CCDC110: variants seen among roughly 807,000 people sequenced by gnomAD.
CCDC110 encodes coiled-coil domain-containing protein 110.
CCDC110 carries 70 observed loss-of-function variants against 77.1 expected under a neutral mutation model. The ratio of observed to expected loss-of-function variants is 0.91; its 90% CI spans 0.75 to 1.11. The LOEUF is 1.11. Among genes scored for constraint, CCDC110 ranks in the 50% least tolerant of loss-of-function variants. CCDC110 has a pLI of 0.00. For missense variants in CCDC110, 868 were observed against 942.9 expected (o/e 0.92, Z 1.04); for synonymous variants, 295 against 312.5 (o/e 0.94, Z 0.59).
At chr4:185,449,496 C>T in intron 6 of CCDC110, 1 of 721,044 alleles carries the variant, frequency 1.4e-6, no homozygotes, top group South Asian at 2.0e-5. Flanking sequence ...GCACTCCAGC[C>T]TGGGCAACAG....
chr4:185,468,387 A>C lies in CCDC110; in HGVS notation c.115+2558T>G, dbSNP rs556839595. Reference sequence around the variant, plus strand: ...AGAGGCAATATGATGATAATTTGGTAAATTCAAAATTTCTAGTCAAGACGG... The same window carrying C: ...AGAGGCAATATGATGATAATTTGGTCAATTCAAAATTTCTAGTCAAGACGG... On this transcript the variant is annotated intron_variant, in intron 2 of 6. Coordinates refer to ENST00000307588, the MANE Select transcript of CCDC110 (RefSeq NM_152775.4). This position sits in a 1 kb window ranked among gnomAD's most constrained non-coding sequence, Gnocchi z 4.5. Among the ~76,000 whole-genome samples, 1 of 152,214 alleles carries C rather than the reference A, an allele frequency of 6.6e-6. No individual in the cohort carries two copies. Among genetic ancestry groups the C allele is most frequent in the Admixed American group, 6.5e-5 (1 of 15,284 alleles).
At chr4:185,467,900 C>CT (rs2095659122) in intron 2 of CCDC110, among the ~76,000 whole-genome samples, 1 of 152,210 alleles carries the variant, frequency 6.6e-6, no homozygotes, top group Admixed American at 6.5e-5. Context: ...TCCTGAGTAG[C>CT]TGGGACTACA....
intron 6 of CCDC110, among the ~76,000 whole-genome samples, chr4:185,450,651 A>G (rs2095627505): frequency 1.3e-5 from 2 of 151,802 alleles, no homozygotes; most frequent in Non-Finnish European, 2.9e-5. Flanking sequence ...GGCTGAGGAA[A>G]GAGAATCGCT....
chr4:185,452,467 A>G, intron 6 of CCDC110: 1 of 734,998 alleles, frequency 1.4e-6, no homozygotes, highest in South Asian at 6.1e-5. Flanking sequence ...TAAGAACTGG[A>G]GAGAAAGTTA....
At chr4:185,452,359 G>T in intron 6 of CCDC110, 3 of 985,386 alleles carry the variant, frequency 3.0e-6, no homozygotes, top group Non-Finnish European at 3.6e-6. Flanking sequence ...GCTTACATCT[G>T]TTCAAGGCTC....
intron 2 of CCDC110, among the ~76,000 whole-genome samples, chr4:185,463,352 C>CA (rs930779969): frequency 4.6e-5 from 7 of 151,910 alleles, no homozygotes; most frequent in East Asian, 1.9e-4. Context: ...AAACTGCATT[C>CA]AAAAAAAACC....
chr4:185,470,381 AATGTAAATGCT>A (rs2153325855), intron 2 of CCDC110, among the ~76,000 whole-genome samples: 1 of 152,308 alleles, frequency 6.6e-6, no homozygotes, highest in African/African-American at 2.4e-5. Flanking sequence ...TACCTTATAC[AATGTAAATGCT>A]ATGTAAATGG....
At chr4:185,453,085 A>T (rs2095631394) in intron 6 of CCDC110, among the ~76,000 whole-genome samples, 2 of 152,280 alleles carry the variant, frequency 1.3e-5, no homozygotes, top group South Asian at 4.1e-4. Flanking sequence ...CGGTCTATTA[A>T]GGCTGGGTAC....
chr4:185,459,245 G>C lies in CCDC110; in HGVS notation c.1342C>G (p.Leu448Val), dbSNP rs1323617419. Residue 448 changes from leucine (L) to valine (V), a missense_variant, in exon 6 of 7, where the codon CTG becomes GTG. Coordinates refer to ENST00000307588, the MANE Select transcript of CCDC110 (RefSeq NM_152775.4). ...TTAAGGTTTAGATTTTCACTCTCCA[G>C]TTCCATTACTTTTTTCTGTATCTGC... ...SVQIQKKVMELESENLNLKSK... is the reference protein window; with the variant it reads ...SVQIQKKVMEVESENLNLKSK... 1 of 1,611,502 alleles carries C rather than the reference G, an allele frequency of 6.2e-7. No homozygotes were observed. Among genetic ancestry groups the C allele is most frequent in the East Asian group, 2.2e-5 (1 of 44,782 alleles).
At chr4:185,449,866 G>C (rs778259265) in intron 6 of CCDC110, 80 of 387,208 alleles carry the variant, frequency 2.1e-4, no homozygotes, top group Non-Finnish European at 3.2e-4. Flanking sequence ...CTATGCTTCT[G>C]AGCAGAATAT....
rs371024808 is a variant in CCDC110, at chr4:185,470,983, G to T, written c.77C>A (p.Ser26Tyr). The T allele has an allele frequency of 5.6e-6, 9 of 1,609,468 alleles. No homozygotes were observed. The African/African-American group carries it at 1.1e-4, about 20-fold the overall frequency. Reference protein sequence around the residue: ...VLLSASKILNSSEGVKESGCS... With the variant: ...VLLSASKILNYSEGVKESGCS... ...GCCACTTTCCTTCACCCCCTCCGAA[G>T]AATTTAGGATCTTGGACGCTGAAAG... The change falls in exon 2 of 7, where the codon TCT (serine) becomes TAT (tyrosine). Residue 26 changes from serine to tyrosine, a missense_variant. Physicochemically the swap from Ser to Tyr is moderately radical, Grantham distance 144. Coordinates refer to ENST00000307588, the MANE Select transcript of CCDC110 (RefSeq NM_152775.4).
At position 185,458,831 on chromosome 4, in the gene CCDC110, C is replaced by G; in HGVS notation, c.1756G>C (p.Glu586Gln). 1 of 1,604,902 alleles carries G rather than the reference C, an allele frequency of 6.2e-7. No homozygotes were observed. The highest frequency in any genetic ancestry group is 8.5e-7 in the Non-Finnish European group (1 of 1,177,798). Residue 586 changes from glutamate (E) to glutamine (Q), a missense_variant, in exon 6 of 7, where the codon GAA (glutamate) becomes CAA (glutamine). Transcript: ENST00000307588. Reference protein sequence around the residue: ...TNILLIQDEKEMLEKKTHQLL... With the variant: ...TNILLIQDEKQMLEKKTHQLL... ...TGGTGTGTTTTTTTCTCTAACATTT[C>G]TTTTTCATCTTGTATCAACAGAATA... is the stretch of plus-strand genomic sequence containing the variant.
chr4:185,467,918 G>A (rs1054837939), intron 2 of CCDC110, among the ~76,000 whole-genome samples: 2 of 152,182 alleles, frequency 1.3e-5, no homozygotes, highest in Non-Finnish European at 2.9e-5. Flanking sequence ...ACAGGCATGT[G>A]CCAGCACACC....
intron 2 of CCDC110, among the ~76,000 whole-genome samples, chr4:185,469,424 A>G (rs1360518200): frequency 1.3e-5 from 2 of 152,180 alleles, no homozygotes; most frequent in Admixed American, 1.3e-4. Flanking sequence ...GCATGTAACT[A>G]TTTTCTATAA....
intron 6 of CCDC110, chr4:185,452,430 G>A (rs1309369332): frequency 5.3e-6 from 5 of 944,586 alleles, no homozygotes; most frequent in Non-Finnish European, 6.3e-6. Context: ...AACTTTAAGG[G>A]AAACTTAGAT....
intron 6 of CCDC110, among the ~76,000 whole-genome samples, chr4:185,454,817 C>A (rs1332268995): frequency 2.0e-5 from 3 of 152,138 alleles, no homozygotes; most frequent in Non-Finnish European, 2.9e-5. Flanking sequence ...GGCTGGAGTG[C>A]AGTGGCACAA....
rs548889062 is a variant in CCDC110 at position 185,458,853 on chromosome 4, A to C, written c.1734T>G (p.Ile578Met). 1 of 1,605,356 alleles carries C rather than the reference A, an allele frequency of 6.2e-7. No homozygotes were observed. The highest frequency in any genetic ancestry group is 8.5e-7 in the Non-Finnish European group (1 of 1,178,110). The change falls in exon 6 of 7, where the codon ATT becomes ATG. Residue 578 changes from isoleucine to methionine, a missense_variant. Transcript: ENST00000307588. ...TTTCTTTTTCATCTTGTATCAACAG[A>C]ATATTGGTTTTCATTGCTTCCATTT... ...SIEMEAMKTN[I>M]LLIQDEKEML...
In CCDC110 at chr4:185,468,614, C is replaced by T. The variant is rs1344461211; in HGVS notation, c.115+2331G>A. 1.3e-5 allele frequency among the ~76,000 whole-genome samples: 2 copies of T among 152,208 alleles called. No homozygotes were observed. The highest frequency in any genetic ancestry group is 6.5e-5 in the Admixed American group (1 of 15,296). On this transcript the variant is annotated intron_variant, in intron 2 of 6. Transcript: ENST00000307588. The surrounding 1 kb of genome is among the most constrained non-coding windows in gnomAD (Gnocchi z 4.5). ...CCACAGGGTCTTTGCAGTTGCCATT[C>T]TCTCTGCCTGCGGTGCTCTTTCCCT...
intron 4 of CCDC110, 60 bp downstream of exon 4, chr4:185,462,583 T>C: frequency 1.5e-6 from 2 of 1,311,608 alleles, no homozygotes; most frequent in South Asian, 2.4e-5. Context: ...ACCATCAGCT[T>C]AGAAGATGGG....
Sources: allele counts gnomAD v4.1 joint callset (sites outside exome capture counted in the v4.1 genomes callset), GRCh38; gene constraint gnomAD v4.1.1; non-coding constraint Gnocchi (gnomAD v3.1); transcripts MANE v1.5; gene names NCBI Gene and HGNC (gene_info 2026-07-23, HGNC 2026-07-21).